The following AQP3 variants were observed in gnomAD, a reference collection of about 807,000 sequenced individuals.
AQP3 encodes the protein aquaporin-3.
In AQP3, 15 loss-of-function variants were observed where a neutral mutation model predicts 30.3. The observed-to-expected ratio is 0.49, with a 90% CI of 0.33 to 0.76. AQP3 has a LOEUF of 0.76. Ranked by LOEUF, AQP3 falls within the 30% of genes least tolerant of loss-of-function variation. The probability of loss-of-function intolerance (pLI) is 0.02; values close to 1 mark genes in which losing one functional copy is unlikely to be tolerated. For synonymous variants in AQP3, 153 were observed against 163.2 expected, an observed-to-expected ratio of 0.94 and a Z score of 0.47; for missense variants, 272 against 384.8, an observed-to-expected ratio of 0.71 and a Z score of 2.45.
At chr9:33,442,268 G>A in intron 5 of AQP3, 33 bp downstream of exon 5, 1 of 1,611,504 alleles carries the variant, frequency 6.2e-7, no homozygotes, top group Non-Finnish European at 8.5e-7. Flanking sequence ...AGGAGAGGCA[G>A]GCTGGGGTGA....
chr9:33,447,034 C>T (rs1325017637), intron 1 of AQP3, among the ~76,000 whole-genome samples: 3 of 152,200 alleles, frequency 2.0e-5, no homozygotes, highest in Non-Finnish European at 4.4e-5. Context: ...CATTTGCCTC[C>T]GCCCCCTCCC....
rs756563695 is a variant in AQP3 at position 33,442,101 on chromosome 9, G to T, written c.821C>A (p.Pro274His). 2 of 1,613,904 alleles carry T rather than the reference G, an allele frequency of 1.2e-6. No homozygotes were observed. The highest frequency in any genetic ancestry group is 1.7e-6 in the Non-Finnish European group (2 of 1,180,034). The part of the protein sequence containing the change: ...MIGCHLEQPP[P>H]SNEEENVKLA... ...CTTCACATTCTCTTCCTCGTTGGAGGGTGGGGGCTGCTCCAGGTGGCAGCC... is the reference window on the plus strand; with the variant it reads ...CTTCACATTCTCTTCCTCGTTGGAGTGTGGGGGCTGCTCCAGGTGGCAGCC... Residue 274 changes from proline (P) to histidine (H), a missense_variant, in exon 6 of 6, where the codon CCC becomes CAC. By Grantham distance (77) the Pro-to-His change is moderately conservative. This residue lies in a region of AQP3 where 51 missense variants were observed against 51.8 expected (regional missense o/e 0.98). Transcript: ENST00000297991.
rs766074740 is a variant in AQP3, at chr9:33,443,215, G to A, written c.373+106C>T. 1.6e-5 allele frequency: 23 copies of A among 1,467,226 alleles called. No individual in the cohort carries two copies. The highest frequency in any genetic ancestry group is 2.8e-5 in the African/African-American group (2 of 71,232). 90.9% of individuals were successfully genotyped at this position (1,467,226 alleles called of 1,614,324 possible). On this transcript the variant is annotated intron_variant, in intron 3 of 5. Coordinates refer to ENST00000297991, the MANE Select transcript of AQP3 (RefSeq NM_004925.5). This position sits in a 1 kb window ranked among gnomAD's most constrained non-coding sequence, Gnocchi z 5.0. Reference sequence around the variant, plus strand: ...GCGTGAATGAGTGAGTCATGAGCCCGGGGCCTGGGCAGGTCCTAGCCGTCT... The same window carrying A: ...GCGTGAATGAGTGAGTCATGAGCCCAGGGCCTGGGCAGGTCCTAGCCGTCT...
chr9:33,443,330 G>T lies in AQP3; in HGVS notation c.364C>A (p.Leu122Met). The change falls in exon 3 of 6, where the codon CTG becomes ATG. Residue 122 changes from leucine to methionine, a missense_variant. Around this residue, in one of 3 missense-constraint regions of AQP3, gnomAD observed 170 missense variants for 286.4 expected, o/e 0.59. Coordinates refer to ENST00000297991, the MANE Select transcript of AQP3 (RefSeq NM_004925.5). This position sits in a 1 kb window ranked among gnomAD's most constrained non-coding sequence, Gnocchi z 5.0. ...AFLGAGIVFG[L>M]YYDAIWHFAD... ...GGTGGGGAATGCTTACCATAATACA[G>T]CCCAAAAACTATTCCAGCACCCAAG... is the stretch of plus-strand genomic sequence containing the variant. 6.3e-7 allele frequency: 1 copy of T among 1,582,368 alleles called. No homozygotes were observed. Among genetic ancestry groups the T allele is most frequent in the Non-Finnish European group, 8.6e-7 (1 of 1,163,898 alleles).
At chr9:33,442,776 C>A (rs1192223471) in intron 4 of AQP3, 76 bp downstream of exon 4, 4 of 1,414,024 alleles carry the variant, frequency 2.8e-6, no homozygotes, top group South Asian at 1.2e-5. Context: ...GGAGTCCTGT[C>A]CCCCAACCAG....
At position 33,443,791 on chromosome 9, in the gene AQP3, G is replaced by A; in HGVS notation, c.210C>T (p.Gly70=). ...CAGAGACCTGGCCAGCGATGAGGAT[G>A]CCCAGAGTGACAGCAAAGCCAAAGG... ...NLAFGFAVTL[G]ILIAGQVSGA... Residue 70 remains glycine, a synonymous_variant, in exon 2 of 6, where the codon GGC becomes GGT. Coordinates refer to ENST00000297991, the MANE Select transcript of AQP3 (RefSeq NM_004925.5). This position sits in a 1 kb window ranked among gnomAD's most constrained non-coding sequence, Gnocchi z 5.0. 1.2e-6 allele frequency: 2 copies of A among 1,614,030 alleles called. No homozygotes were observed. The highest frequency in any genetic ancestry group is 1.3e-5 in the African/African-American group (1 of 75,040).
At position 33,441,812 on chromosome 9, in the gene AQP3, GTA is replaced by G. The variant is rs773464791; in HGVS notation, c.*229_*230del. 3.1e-6 allele frequency: 2 copies of G among 648,560 alleles called. No homozygotes were observed. The highest frequency in any genetic ancestry group is 5.5e-5 in the Admixed American group (2 of 36,202). The allele number at this position is 648,560 out of a possible 1,614,324, so 40.2% of individuals were successfully genotyped here. On this transcript the variant is annotated 3_prime_UTR_variant, in exon 6 of 6. Coordinates refer to ENST00000297991, the MANE Select transcript of AQP3 (RefSeq NM_004925.5). Reference sequence around the variant, plus strand: ...CTCTTCCCTTGGGAGACAAAAGGATGTATTGACCCAAATTCCGGTTCCACCCC... The same window carrying G: ...CTCTTCCCTTGGGAGACAAAAGGATGTTGACCCAAATTCCGGTTCCACCCC...
rs1651099857 is a variant in AQP3 at position 33,442,438 on chromosome 9, C to T, written c.573G>A (p.Glu191=). The change falls in exon 5 of 6, where the codon GAG becomes GAA. Residue 191 remains glutamate (E), a synonymous_variant. Transcript: ENST00000297991. The stretch of plus-strand genomic sequence containing the variant: ...GGACCACCAGGCCCACGGTGAAGGC[C>T]TCCAGGCCTCGGGGGACGGGGTTGT... ...PYNNPVPRGL[E]AFTVGLVVLV... 2 of 1,612,132 alleles carry T rather than the reference C, an allele frequency of 1.2e-6. No homozygotes were observed. The highest frequency in any genetic ancestry group is 1.7e-6 in the Non-Finnish European group (2 of 1,179,486).
In AQP3 at chr9:33,443,334, A is replaced by G; in HGVS notation, c.360T>C (p.Phe120=). ...LGAFLGAGIV[F]GLYYDAIWHF... The stretch of plus-strand genomic sequence containing the variant: ...GGGAATGCTTACCATAATACAGCCC[A>G]AAAACTATTCCAGCACCCAAGAAGG... The change falls in exon 3 of 6, where the codon TTT becomes TTC. Residue 120 remains phenylalanine, a synonymous_variant. Coordinates refer to ENST00000297991, the MANE Select transcript of AQP3 (RefSeq NM_004925.5). The surrounding 1 kb of genome is among the most constrained non-coding windows in gnomAD (Gnocchi z 5.0). The G allele has an allele frequency of 6.3e-7, 1 of 1,583,970 alleles. No homozygotes were observed. Among genetic ancestry groups the G allele is most frequent in the Non-Finnish European group, 8.6e-7 (1 of 1,164,726 alleles).
Position 33,442,416 on chromosome 9 carries a change from C to T in AQP3, c.595G>A (p.Val199Ile). 6.2e-7 allele frequency: 1 copy of T among 1,611,660 alleles called. No individual in the cohort carries two copies. The highest frequency in any genetic ancestry group is 8.5e-7 in the Non-Finnish European group (1 of 1,179,306). Residue 199 changes from valine (V) to isoleucine (I), a missense_variant, in exon 5 of 6, where the codon GTC (valine) becomes ATC (isoleucine). Physicochemically the swap from Val to Ile is conservative, Grantham distance 29 (BLOSUM62 3). Coordinates refer to ENST00000297991, the MANE Select transcript of AQP3 (RefSeq NM_004925.5). ...CCCATGGAGGTGCCAATGACCAGGA[C>T]CACCAGGCCCACGGTGAAGGCCTCC... ...GLEAFTVGLV[V>I]LVIGTSMGFN...
rs2118962241 is a variant in AQP3 at position 33,441,215 on chromosome 9, T to C, written c.*828A>G. On this transcript the variant is annotated 3_prime_UTR_variant, in exon 6 of 6. Coordinates refer to ENST00000297991, the MANE Select transcript of AQP3 (RefSeq NM_004925.5). ...AATATAAAAGTAAAAGAGTACATTG[T>C]TGAGTAGAGGATTAAAGGAGTGACG... The C allele has an allele frequency of 6.5e-6, 1 of 152,684 alleles. No homozygotes were observed. The highest frequency in any genetic ancestry group is 1.5e-5 in the Non-Finnish European group (1 of 68,042). 9.5% of individuals were successfully genotyped at this position (152,684 alleles called of 1,614,324 possible). A position where few individuals can be genotyped will look rare whatever the true frequency, so the allele number is the denominator to read the frequency against.
In AQP3 at chr9:33,443,544, G is replaced by T; in HGVS notation, c.236-86C>A. 6.5e-7 allele frequency: 1 copy of T among 1,535,712 alleles called. No individual in the cohort carries two copies. The highest frequency in any genetic ancestry group is 8.9e-7 in the Non-Finnish European group (1 of 1,129,790). ...CCCCTGAGAAGGGGTGCAGAGAGGGGTTTCTTGCACAGGATGGCGGTTGGT... is the reference window on the plus strand; with the variant it reads ...CCCCTGAGAAGGGGTGCAGAGAGGGTTTTCTTGCACAGGATGGCGGTTGGT... On this transcript the variant is annotated intron_variant, in intron 2 of 5. Coordinates refer to ENST00000297991, the MANE Select transcript of AQP3 (RefSeq NM_004925.5). The surrounding 1 kb of genome is among the most constrained non-coding windows in gnomAD (Gnocchi z 5.0).
intron 1 of AQP3, among the ~76,000 whole-genome samples, chr9:33,446,795 G>T (rs1198965351): frequency 6.6e-6 from 1 of 152,142 alleles, no homozygotes; most frequent in Admixed American, 6.5e-5. Context: ...TGAGCACCAG[G>T]TGAGCAACTT....
chr9:33,445,145 A>G (rs994783115), intron 1 of AQP3, among the ~76,000 whole-genome samples: 39 of 152,262 alleles, frequency 2.6e-4, no homozygotes, highest in African/African-American at 9.2e-4. Flanking sequence ...TAAAAAAGAA[A>G]AAGAACGTAC....
At chr9:33,446,121 A>G (rs1826909795) in intron 1 of AQP3, among the ~76,000 whole-genome samples, 1 of 152,144 alleles carries the variant, frequency 6.6e-6, no homozygotes, top group South Asian at 2.1e-4. Context: ...CTGCTCTAAA[A>G]CAGGTGGCTG....
Position 33,442,122 on chromosome 9 carries a change from C to T in AQP3, c.800G>A (p.Cys267Tyr). The change falls in exon 6 of 6, where the codon TGC (cysteine) becomes TAC (tyrosine). Residue 267 changes from cysteine to tyrosine, a missense_variant. By Grantham distance (194) the Cys-to-Tyr change is radical (BLOSUM62 -2). This residue lies in a region of AQP3 where 51 missense variants were observed against 51.8 expected (regional missense o/e 0.98). Coordinates refer to ENST00000297991, the MANE Select transcript of AQP3 (RefSeq NM_004925.5). ...GGAGGGTGGGGGCTGCTCCAGGTGG[C>T]AGCCGATCATCAGCTGGTACACGAA... ...GVFVYQLMIGCHLEQPPPSNE... is the reference protein window; with the variant it reads ...GVFVYQLMIGYHLEQPPPSNE... The T allele has an allele frequency of 6.2e-7, 1 of 1,613,620 alleles. No individual in the cohort carries two copies. Among genetic ancestry groups the T allele is most frequent in the Non-Finnish European group, 8.5e-7 (1 of 1,180,008 alleles).
chr9:33,445,803 G>C (rs1336136622), intron 1 of AQP3, among the ~76,000 whole-genome samples: 1 of 152,122 alleles, frequency 6.6e-6, no homozygotes, highest in African/African-American at 2.4e-5. Flanking sequence ...TGCAGGCCTA[G>C]GCTCCCAACA....
chr9:33,441,687 G>A lies in AQP3; in HGVS notation c.*356C>T. 1 of 415,310 alleles carries A rather than the reference G, an allele frequency of 2.4e-6. No individual in the cohort carries two copies. The highest frequency in any genetic ancestry group is 3.5e-5 in the East Asian group (1 of 28,520). 25.7% of individuals were successfully genotyped at this position (415,310 alleles called of 1,614,324 possible). A position where few individuals can be genotyped will look rare whatever the true frequency, so the allele number is the denominator to read the frequency against. On this transcript the variant is annotated 3_prime_UTR_variant, in exon 6 of 6. Coordinates refer to ENST00000297991, the MANE Select transcript of AQP3 (RefSeq NM_004925.5). The stretch of plus-strand genomic sequence containing the variant: ...CAGAATCCCTTCCGACTGGTCCCTT[G>A]CCCTGAATATCTGGGAACCCCCCCC...
Position 33,443,616 on chromosome 9 carries a change from G to C in AQP3, c.235+150C>G. The C allele has an allele frequency of 6.8e-7, 1 of 1,470,920 alleles. No individual in the cohort carries two copies. Among genetic ancestry groups the C allele is most frequent in the Non-Finnish European group, 9.3e-7 (1 of 1,074,664 alleles). 91.1% of individuals were successfully genotyped at this position (1,470,920 alleles called of 1,614,324 possible). ...AATCTCTGATTCCAAGGTGAGAGTC[G>C]AAAGTTCTAAGTGTCAAGTTTCTTC... On this transcript the variant is annotated intron_variant, in intron 2 of 5. Coordinates refer to ENST00000297991, the MANE Select transcript of AQP3 (RefSeq NM_004925.5). The surrounding 1 kb of genome is among the most constrained non-coding windows in gnomAD (Gnocchi z 5.0).
Sources: gnomAD v4.1 joint callset for allele counts (sites outside exome capture counted in the v4.1 genomes callset) on GRCh38, gnomAD v4.1.1 for gene constraint, gnomAD v4.1.1 regional missense constraint, Gnocchi (gnomAD v3.1) non-coding constraint, MANE v1.5 for transcripts, NCBI Gene and HGNC (gene_info 2026-07-23, HGNC 2026-07-21) for gene names.